TBC1D19: variants seen among roughly 807,000 people sequenced by gnomAD.
TBC1D19 encodes the protein TBC1 domain family, member 19.
A neutral mutation model predicts 89.0 loss-of-function variants in TBC1D19; 60 were observed. That is an observed-to-expected ratio of 0.67 (90% CI 0.55 to 0.84). TBC1D19 has a LOEUF of 0.84. TBC1D19 is among the 40% of genes least tolerant of loss of function. The pLI, the probability that TBC1D19 is intolerant of heterozygous loss-of-function variation, is 0.00. For missense variants in TBC1D19, 500 were observed against 610.8 expected (o/e 0.82, Z 1.91); for synonymous variants, 189 against 199.7 (o/e 0.95, Z 0.45).
Position 26,638,095 on chromosome 4 carries a change from T to TG in TBC1D19, c.370-676_370-675insG, listed in dbSNP as rs1167325310. Among the ~76,000 whole-genome samples, 1,279 of 151,220 alleles carry TG rather than the reference T, an allele frequency of 8.5e-3. 19 individuals are homozygous for TG. Among genetic ancestry groups the TG allele is most frequent in the African/African-American group, 0.03 (1,198 of 40,556 alleles). On this transcript the variant is annotated intron_variant, in intron 5 of 20. Transcript: ENST00000264866. ...ATCTAATACTCAACATTTATGTTAC[T>TG]CTGGGCATTGAGGAGAAAAGATGAG...
chr4:26,843,376 C>T, the TBC1D19 span, among the ~76,000 whole-genome samples: 1 of 152,040 alleles, frequency 6.6e-6, no homozygotes, highest in East Asian at 1.9e-4. Context: ...TTCCCAGTGT[C>T]TTACAGATAA....
intron 4 of TBC1D19, among the ~76,000 whole-genome samples, chr4:26,622,988 A>C (rs1401816514): frequency 6.6e-6 from 1 of 152,146 alleles, no homozygotes; most frequent in Non-Finnish European, 1.5e-5. Flanking sequence ...TTCTTTAACC[A>C]TGGCCATACT....
chr4:26,608,370 C>T (rs902785816), intron 1 of TBC1D19, among the ~76,000 whole-genome samples: 3 of 152,034 alleles, frequency 2.0e-5, no homozygotes, highest in Non-Finnish European at 2.9e-5. Flanking sequence ...AGAAAAGGCT[C>T]ATTGTTCTTA....
intron 1 of TBC1D19, among the ~76,000 whole-genome samples, chr4:26,605,512 A>G (rs1480539209): frequency 6.6e-6 from 1 of 152,042 alleles, no homozygotes; most frequent in Non-Finnish European, 1.5e-5. Context: ...CGCAGAAAAC[A>G]TACGTGTGCA....
chr4:26,730,837 G>A (rs76698450), intron 15 of TBC1D19, among the ~76,000 whole-genome samples: 9 of 152,326 alleles, frequency 5.9e-5, no homozygotes, highest in African/African-American at 2.2e-4. Context: ...ATCAGGAGGT[G>A]TATACCTTCT....
At chr4:26,621,767 G>A (rs1310519055) in intron 4 of TBC1D19, among the ~76,000 whole-genome samples, 2 of 151,860 alleles carry the variant, frequency 1.3e-5, no homozygotes, top group East Asian at 3.9e-4. Context: ...TTATCAATTT[G>A]TCATAAAGCA....
intron 1 of TBC1D19, among the ~76,000 whole-genome samples, chr4:26,611,205 G>A (rs1560416322): frequency 1.3e-5 from 2 of 152,008 alleles, no homozygotes; most frequent in Admixed American, 6.6e-5. Context: ...TAGTGACATT[G>A]AGTATTTTTA....
At chr4:26,666,300 A>T (rs201091475) in intron 8 of TBC1D19, 33 bp from the exon 9 acceptor site, 1 of 1,558,022 alleles carries the variant, frequency 6.4e-7, no homozygotes, top group African/African-American at 1.4e-5. Flanking sequence ...AAAGTCTGAG[A>T]TCTATGTTAA....
At chr4:26,689,200 G>C (rs1714071490) in intron 13 of TBC1D19, among the ~76,000 whole-genome samples, 1 of 151,932 alleles carries the variant, frequency 6.6e-6, no homozygotes. Flanking sequence ...GACTTTATAA[G>C]ACTTATTTAT....
the TBC1D19 span, among the ~76,000 whole-genome samples, chr4:26,838,548 C>A: frequency 6.6e-6 from 1 of 152,164 alleles, no homozygotes; most frequent in African/African-American, 2.4e-5. Context: ...GTCATAAAAT[C>A]ACACCAACAC....
At chr4:26,675,584 G>T (rs2109117910) in intron 11 of TBC1D19, among the ~76,000 whole-genome samples, 1 of 152,180 alleles carries the variant, frequency 6.6e-6, no homozygotes, top group East Asian at 1.9e-4. Flanking sequence ...ATAAAAGTGT[G>T]ACCCCAATGA....
chr4:26,708,428 A>G (rs571168992), intron 13 of TBC1D19, among the ~76,000 whole-genome samples: 1 of 152,222 alleles, frequency 6.6e-6, no homozygotes, highest in African/African-American at 2.4e-5. Flanking sequence ...CAGTTTGATT[A>G]TAATGTGTCC....
At chr4:26,858,700 T>C in the TBC1D19 span, 1 of 152,300 alleles carries the variant, frequency 6.6e-6, no homozygotes, top group African/African-American at 2.4e-5. Context: ...GAAAGTTCTA[T>C]ATCTGTGGCA....
chr4:26,741,079 G>T (rs1050378110), intron 17 of TBC1D19, among the ~76,000 whole-genome samples: 4 of 152,040 alleles, frequency 2.6e-5, no homozygotes, highest in Non-Finnish European at 2.9e-5. Context: ...TTTTCTGGCC[G>T]GGCGTGGTGG....
intron 19 of TBC1D19, among the ~76,000 whole-genome samples, chr4:26,751,781 G>C (rs35242668): frequency 2.0e-5 from 3 of 152,142 alleles, no homozygotes; most frequent in African/African-American, 7.2e-5. Context: ...TTTATCTGGG[G>C]AAATTAAGAG....
At chr4:26,604,417 G>T (rs1740844732) in intron 1 of TBC1D19, among the ~76,000 whole-genome samples, 1 of 151,230 alleles carries the variant, frequency 6.6e-6, no homozygotes, top group Non-Finnish European at 1.5e-5. Flanking sequence ...CTCCCGAAGT[G>T]CTGGGATTAC....
intron 1 of TBC1D19, among the ~76,000 whole-genome samples, chr4:26,604,738 G>A (rs201562608): frequency 5.4e-4 from 82 of 151,742 alleles, no homozygotes; most frequent in Middle Eastern, 3.4e-3. Context: ...AAAATTAGCC[G>A]GGCATGGTGG....
intron 1 of TBC1D19, among the ~76,000 whole-genome samples, chr4:26,589,234 C>G (rs968878082): frequency 1.3e-5 from 2 of 152,122 alleles, no homozygotes; most frequent in African/African-American, 4.8e-5. Context: ...AAGATCGTGC[C>G]ACTGCCCTTC....
intron 4 of TBC1D19, among the ~76,000 whole-genome samples, chr4:26,630,613 C>T (rs1742746574): frequency 6.6e-6 from 1 of 151,934 alleles, no homozygotes; most frequent in South Asian, 2.1e-4. Flanking sequence ...CAAGTTTATC[C>T]ATTCCAAACT....
Sources: gnomAD v4.1 joint callset for allele counts (sites outside exome capture counted in the v4.1 genomes callset) on GRCh38, gnomAD v4.1.1 for gene constraint, MANE v1.5 for transcripts, NCBI Gene and HGNC (gene_info 2026-07-23, HGNC 2026-07-21) for gene names.